CHCHD6: variants seen among roughly 807,000 people sequenced by gnomAD.
The protein encoded by CHCHD6 is MICOS complex subunit MIC25.
In CHCHD6, 28 loss-of-function variants were observed where a neutral mutation model predicts 32.3. That is an observed-to-expected ratio of 0.87 (90% CI 0.64 to 1.19). The LOEUF (loss-of-function observed/expected upper bound fraction) is 1.19. Ranked by LOEUF, CHCHD6 falls within the 50% of genes most tolerant of loss-of-function variation. The probability of loss-of-function intolerance (pLI) is 0.00; values close to 1 mark genes in which losing one functional copy is unlikely to be tolerated. For missense variants in CHCHD6, 333 were observed against 307.0 expected (o/e 1.08, Z -0.63); for synonymous variants, 122 against 117.5 (o/e 1.04, Z -0.25).
At chr3:126,935,257 T>C (rs2078463294) in intron 6 of CHCHD6, 1 of 596,102 alleles carries the variant, frequency 1.7e-6, no homozygotes, top group Non-Finnish European at 2.1e-6. Context: ...TGGTGTTCCC[T>C]TTTGAGAGCC....
At chr3:126,903,191 AC>A (rs1275228181) in intron 5 of CHCHD6, among the ~76,000 whole-genome samples, 1 of 152,172 alleles carries the variant, frequency 6.6e-6, no homozygotes, top group Non-Finnish European at 1.5e-5. Context: ...TCTGCACTCC[AC>A]CTGGAAGTGG....
At chr3:126,945,113 C>T (rs2078616338) in intron 6 of CHCHD6, among the ~76,000 whole-genome samples, 1 of 152,152 alleles carries the variant, frequency 6.6e-6, no homozygotes, top group African/African-American at 2.4e-5. Flanking sequence ...GTGGAAAAGG[C>T]TGGGGAGAAG....
At chr3:126,717,443 G>A (rs1285918904) in intron 1 of CHCHD6, among the ~76,000 whole-genome samples, 1 of 152,050 alleles carries the variant, frequency 6.6e-6, no homozygotes, top group African/African-American at 2.4e-5. Context: ...TTAGTCGCGA[G>A]GTGGCCATGT....
At chr3:126,767,275 G>T in intron 4 of CHCHD6, 2 of 1,260,422 alleles carry the variant, frequency 1.6e-6, no homozygotes, top group South Asian at 1.2e-5. Context: ...GGTTGCCAAG[G>T]CCCAGCTGCC....
chr3:126,723,279 T>C (rs1348165319), intron 1 of CHCHD6, among the ~76,000 whole-genome samples: 1 of 152,164 alleles, frequency 6.6e-6, no homozygotes, highest in Non-Finnish European at 1.5e-5. Flanking sequence ...GAAATGTTCA[T>C]GGTAAAAAAA....
intron 4 of CHCHD6, among the ~76,000 whole-genome samples, chr3:126,773,023 CT>C (rs905560057): frequency 2.2e-4 from 32 of 147,970 alleles, no homozygotes; most frequent in African/African-American, 2.7e-4. Context: ...CTTGGTTAGA[CT>C]TTTTTTTTTT....
At chr3:126,863,556 C>T (rs1156370428) in intron 5 of CHCHD6, among the ~76,000 whole-genome samples, 1 of 140,978 alleles carries the variant, frequency 7.1e-6, no homozygotes, top group Non-Finnish European at 1.5e-5. Flanking sequence ...CCATCACCAC[C>T]TCCTCCTCCA....
At chr3:126,953,056 C>T (rs765480416) in intron 6 of CHCHD6, 17 of 985,344 alleles carry the variant, frequency 1.7e-5, no homozygotes, top group African/African-American at 7.0e-5. Context: ...ATGTTCTGAC[C>T]GGGCCGTCTT....
chr3:126,815,064 TG>T, intron 4 of CHCHD6, among the ~76,000 whole-genome samples: 1 of 152,216 alleles, frequency 6.6e-6, no homozygotes, highest in East Asian at 1.9e-4. Flanking sequence ...TATTGATTGT[TG>T]TGTGGTGTGA....
chr3:126,751,076 C>T (rs556918001), intron 4 of CHCHD6, among the ~76,000 whole-genome samples: 1 of 152,004 alleles, frequency 6.6e-6, no homozygotes, highest in Admixed American at 6.5e-5. Context: ...GAGTCACCAC[C>T]GGTAGGGCTG....
intron 1 of CHCHD6, 23 bp downstream of exon 1, chr3:126,704,422 G>GGGCGGGCGTGGAGGCCGC: frequency 5.4e-6 from 8 of 1,483,758 alleles, no homozygotes; most frequent in Non-Finnish European, 7.2e-6. Flanking sequence ...GCCTGGGCCG[G>GGGCGGGCGTGGAGGCCGC]GGCGGGCGTG....
At chr3:126,853,654 C>T (rs555109926) in intron 5 of CHCHD6, among the ~76,000 whole-genome samples, 130 of 152,288 alleles carry the variant, frequency 8.5e-4, no homozygotes, top group Middle Eastern at 3.4e-3. Flanking sequence ...ACCTGCTTGT[C>T]CACCTTTGCC....
At chr3:126,897,036 G>A (rs930737582) in intron 5 of CHCHD6, among the ~76,000 whole-genome samples, 1 of 152,238 alleles carries the variant, frequency 6.6e-6, no homozygotes, top group Non-Finnish European at 1.5e-5. Context: ...CTCCAACATG[G>A]ATGAGGTGTG....
At chr3:126,882,957 C>T (rs996088815) in intron 5 of CHCHD6, among the ~76,000 whole-genome samples, 1 of 152,130 alleles carries the variant, frequency 6.6e-6, no homozygotes, top group African/African-American at 2.4e-5. Context: ...ATGCAGGATT[C>T]GAGGGTTGGG....
chr3:126,875,448 C>A (rs773230967), intron 5 of CHCHD6, among the ~76,000 whole-genome samples: 1 of 152,214 alleles, frequency 6.6e-6, no homozygotes, highest in Non-Finnish European at 1.5e-5. Context: ...CAGGTGCTGG[C>A]GCACTGCTCT....
At chr3:126,756,571 C>T (rs1428915122) in intron 4 of CHCHD6, among the ~76,000 whole-genome samples, 1 of 152,198 alleles carries the variant, frequency 6.6e-6, no homozygotes, top group Non-Finnish European at 1.5e-5. Context: ...CTGTCATACC[C>T]ACACCATAGG....
intron 4 of CHCHD6, among the ~76,000 whole-genome samples, chr3:126,773,793 A>G (rs574303869): frequency 5.4e-4 from 82 of 151,676 alleles, no homozygotes; most frequent in African/African-American, 1.6e-3. Context: ...TTTAGTAGAG[A>G]TGGGGTTTCA....
chr3:126,941,418 A>G (rs527259422), intron 6 of CHCHD6, among the ~76,000 whole-genome samples: 1 of 152,344 alleles, frequency 6.6e-6, no homozygotes, highest in South Asian at 2.1e-4. Context: ...TATTTAAAAT[A>G]TTAAATAATC....
At chr3:126,903,065 G>A (rs769688849) in intron 5 of CHCHD6, among the ~76,000 whole-genome samples, 1 of 152,182 alleles carries the variant, frequency 6.6e-6, no homozygotes, top group Admixed American at 6.5e-5. Flanking sequence ...CATCTCCTAG[G>A]GATATTCTGA....
Sources: allele counts gnomAD v4.1 joint callset (sites outside exome capture counted in the v4.1 genomes callset), GRCh38; gene constraint gnomAD v4.1.1; transcripts MANE v1.5; gene names NCBI Gene and HGNC (gene_info 2026-07-23, HGNC 2026-07-21).